KLHL13: variants seen among roughly 807,000 people sequenced by gnomAD.
KLHL13 encodes kelch like family member 13.
A neutral mutation model predicts 37.1 loss-of-function variants in KLHL13; 10 were observed. That is an observed-to-expected ratio of 0.27 (90% CI 0.17 to 0.46). The LOEUF (loss-of-function observed/expected upper bound fraction) is 0.46, where lower values mean the gene tolerates loss of function less well. Ranked by LOEUF, KLHL13 falls within the 20% of genes least tolerant of loss-of-function variation. The pLI, the probability that KLHL13 is intolerant of heterozygous loss-of-function variation, is 1.00. For synonymous variants in KLHL13, 163 were observed against 181.2 expected (o/e 0.90, Z 0.81); for missense variants, 360 against 509.3 (o/e 0.71, Z 2.82).
chrX:118,039,081 A>T (rs751367686), intron 1 of KLHL13, among the ~76,000 whole-genome samples: 8 of 112,226 alleles, frequency 7.1e-5, no homozygotes, highest in African/African-American at 9.7e-5. Context: ...GAAGGGAAGG[A>T]CCCAGTCCTA....
intron 1 of KLHL13, among the ~76,000 whole-genome samples, chrX:118,050,946 T>C (rs1338998994): frequency 8.9e-6 from 1 of 111,917 alleles, no homozygotes; most frequent in Non-Finnish European, 1.9e-5. Flanking sequence ...AGAATCTGCA[T>C]TGCTAACAAG....
chrX:118,076,460 G>A (rs780450266), intron 1 of KLHL13, among the ~76,000 whole-genome samples: 4 of 111,464 alleles, frequency 3.6e-5, no homozygotes, highest in Admixed American at 9.6e-5. Context: ...GCATGCCTTA[G>A]ATAAAACTGC....
intron 1 of KLHL13, among the ~76,000 whole-genome samples, chrX:118,058,768 T>C (rs1378175069): frequency 2.7e-5 from 3 of 111,898 alleles, no homozygotes; most frequent in African/African-American, 9.7e-5. Flanking sequence ...AGCCAAACTA[T>C]CCCTTTTAAT....
At chrX:118,053,479 G>A (rs775000998) in intron 1 of KLHL13, among the ~76,000 whole-genome samples, 19 of 110,442 alleles carry the variant, frequency 1.7e-4, no homozygotes, top group African/African-American at 5.6e-4. Context: ...ATCACACACT[G>A]GGGCCTGTTG....
intron 1 of KLHL13, among the ~76,000 whole-genome samples, chrX:118,093,342 A>G (rs949791687): frequency 8.9e-6 from 1 of 111,943 alleles, no homozygotes; most frequent in Non-Finnish European, 1.9e-5. Context: ...ACTCACATAC[A>G]CTACTTTATC....
At chrX:118,007,014 G>T (rs1329891633) in intron 1 of KLHL13, among the ~76,000 whole-genome samples, 5 of 111,337 alleles carry the variant, frequency 4.5e-5, no homozygotes, top group Non-Finnish European at 9.4e-5. Context: ...GCTCCCTAGA[G>T]GCCTTATTAG....
chrX:118,097,003 C>T (rs1413978021), intron 1 of KLHL13, among the ~76,000 whole-genome samples: 60 of 111,260 alleles, frequency 5.4e-4, no homozygotes, highest in Non-Finnish European at 2.1e-4. Context: ...GAAGCATTCC[C>T]TTTGAAAACG....
intron 2 of KLHL13, among the ~76,000 whole-genome samples, chrX:117,924,600 A>T (rs1412291545): frequency 3.6e-5 from 4 of 111,534 alleles, no homozygotes; most frequent in Non-Finnish European, 5.7e-5. Flanking sequence ...CTTTAGGCAA[A>T]TTGTTCAGTT....
At chrX:118,072,022 G>C (rs1176495514) in intron 1 of KLHL13, among the ~76,000 whole-genome samples, 3 of 110,393 alleles carry the variant, frequency 2.7e-5, no homozygotes, top group Non-Finnish European at 5.7e-5. Flanking sequence ...GCATCACCAA[G>C]TCAATCCTAA....
intron 6 of KLHL13, among the ~76,000 whole-genome samples, chrX:117,901,531 G>A (rs1197929945): frequency 9.5e-6 from 1 of 105,794 alleles, no homozygotes; most frequent in Non-Finnish European, 1.9e-5. Flanking sequence ...TTGAGATGGA[G>A]TCTCGCTCTT....
chrX:118,018,325 G>A (rs777680228), intron 1 of KLHL13, among the ~76,000 whole-genome samples: 2 of 111,573 alleles, frequency 1.8e-5, no homozygotes, highest in South Asian at 3.7e-4. Flanking sequence ...TCAATGAGTA[G>A]AAGAACTCAT....
intron 1 of KLHL13, among the ~76,000 whole-genome samples, chrX:117,979,230 C>A (rs1569432134): frequency 8.9e-6 from 1 of 112,231 alleles, no homozygotes; most frequent in Non-Finnish European, 1.9e-5. Context: ...CTGCACCTGG[C>A]AAATCAATAG....
intron 1 of KLHL13, among the ~76,000 whole-genome samples, chrX:118,103,415 A>G (rs1466737564): frequency 9.0e-6 from 1 of 111,680 alleles, no homozygotes; most frequent in Non-Finnish European, 1.9e-5. Context: ...TTTAACTTCA[A>G]CTAAAACTAC....
intron 1 of KLHL13, among the ~76,000 whole-genome samples, chrX:117,952,964 A>T (rs1229220524): frequency 8.1e-5 from 9 of 111,438 alleles, no homozygotes; most frequent in African/African-American, 2.9e-4. Flanking sequence ...GTGGGACTGT[A>T]AACTAGTTCA....
chrX:118,057,307 G>T, intron 1 of KLHL13, among the ~76,000 whole-genome samples: 2 of 111,612 alleles, frequency 1.8e-5, no homozygotes, highest in Non-Finnish European at 3.8e-5. Context: ...AAAGAATGAG[G>T]TATACACCAT....
chrX:117,945,617 T>C, intron 1 of KLHL13, 42 bp from the exon 3 acceptor site: 1 of 1,089,480 alleles, frequency 9.2e-7, no homozygotes, highest in Non-Finnish European at 1.3e-6. Flanking sequence ...AAATTAAAAC[T>C]TGTACAATTT....
chrX:118,059,150 A>C (rs2054715685), intron 1 of KLHL13, among the ~76,000 whole-genome samples: 1 of 112,045 alleles, frequency 8.9e-6, no homozygotes, highest in South Asian at 3.7e-4. Context: ...TAGTTCTACA[A>C]GTCTCAACAG....
intron 1 of KLHL13, among the ~76,000 whole-genome samples, chrX:118,052,950 T>C (rs993877745): frequency 2.7e-5 from 3 of 111,902 alleles, no homozygotes; most frequent in African/African-American, 9.7e-5. Context: ...AATGTTTAAG[T>C]TTGCTGGTTA....
chrX:118,056,927 C>T (rs1170291802), intron 1 of KLHL13, among the ~76,000 whole-genome samples: 1 of 112,087 alleles, frequency 8.9e-6, no homozygotes, highest in Non-Finnish European at 1.9e-5. Flanking sequence ...TATTATCAGC[C>T]TCCGAGCACT....
Sources: allele counts gnomAD v4.1 joint callset (sites outside exome capture counted in the v4.1 genomes callset), GRCh38; gene constraint gnomAD v4.1.1; transcripts MANE v1.5; gene names NCBI Gene and HGNC (gene_info 2026-07-23, HGNC 2026-07-21).